Variants in DARS1 observed in about 807,000 individuals in gnomAD.
DARS1 encodes aspartate--tRNA ligase, cytoplasmic.
A neutral mutation model predicts 68.8 loss-of-function variants in DARS1; 51 were observed. The observed-to-expected ratio is 0.74, with a 90% CI of 0.59 to 0.94. The LOEUF (loss-of-function observed/expected upper bound fraction) is 0.94. DARS1 is among the 40% of genes least tolerant of loss of function. DARS1 has a pLI of 0.00. For missense variants in DARS1, 607 were observed against 597.3 expected (o/e 1.02, Z -0.17); for synonymous variants, 203 against 190.4 (o/e 1.07, Z -0.55).
At chr2:135,910,651 A>G (rs1223168753) in intron 15 of DARS1, among the ~76,000 whole-genome samples, 2 of 152,196 alleles carry the variant, frequency 1.3e-5, no homozygotes, top group African/African-American at 2.4e-5. Flanking sequence ...AAACCCCAAA[A>G]CAAACAACAA....
rs775648808 is a variant in DARS1, at chr2:135,985,557, C to G, written c.-89G>C. 3 of 1,599,196 alleles carry G rather than the reference C, an allele frequency of 1.9e-6. No homozygotes were observed. Among genetic ancestry groups the G allele is most frequent in the Admixed American group, 3.5e-5 (2 of 56,978 alleles). ...GGGGCTTCTCCCTCCCTCCCAGTCT[C>G]CGCCCTCCCGACCCTGGGGTCTCAG... On this transcript the variant is annotated 5_prime_UTR_variant, in exon 1 of 16. Transcript: ENST00000264161.
intron 11 of DARS1, among the ~76,000 whole-genome samples, chr2:135,915,844 A>G (rs1487783145): frequency 1.3e-5 from 2 of 152,120 alleles, no homozygotes; most frequent in East Asian, 3.9e-4. Context: ...TCACAGGCAA[A>G]ACTCTCTATA....
At chr2:135,958,082 G>A (rs1045666860) in intron 4 of DARS1, among the ~76,000 whole-genome samples, 1 of 152,154 alleles carries the variant, frequency 6.6e-6, no homozygotes, top group Non-Finnish European at 1.5e-5. Flanking sequence ...CTTTGAGGTA[G>A]AGTCAGGATA....
In DARS1 at chr2:135,907,060, GT is replaced by G. The variant is rs1049671294; in HGVS notation, c.*255del. The G allele has an allele frequency of 2.2e-4, 55 of 246,254 alleles. No homozygotes were observed. Among genetic ancestry groups the G allele is most frequent in the African/African-American group, 1.2e-3 (52 of 44,052 alleles). 15.3% of individuals were successfully genotyped at this position (246,254 alleles called of 1,614,324 possible). A position where few individuals can be genotyped will look rare whatever the true frequency, so the allele number is the denominator to read the frequency against. On this transcript the variant is annotated 3_prime_UTR_variant, in exon 16 of 16. Coordinates refer to ENST00000264161, the MANE Select transcript of DARS1 (RefSeq NM_001349.4). The stretch of plus-strand genomic sequence containing the variant: ...TAACATAACCATATGAATTTCTCAA[GT>G]TATTTCCTACTGATGCATGTCTGAA...
At chr2:135,959,948 T>A (rs1293157792) in intron 4 of DARS1, among the ~76,000 whole-genome samples, 1 of 152,224 alleles carries the variant, frequency 6.6e-6, no homozygotes, top group Admixed American at 6.5e-5. Flanking sequence ...TTCAGTATAT[T>A]TAATAGAATT....
chr2:135,930,336 A>G (rs1162827046), intron 7 of DARS1, among the ~76,000 whole-genome samples: 1 of 152,196 alleles, frequency 6.6e-6, no homozygotes, highest in Non-Finnish European at 1.5e-5. Flanking sequence ...GTATTAGCAA[A>G]CAAAGAGAAC....
At chr2:135,914,799 C>A in intron 11 of DARS1, 1 of 266,966 alleles carries the variant, frequency 3.7e-6, no homozygotes, top group Non-Finnish European at 7.2e-6. Flanking sequence ...GAAGTAATTT[C>A]CTACAATTAC....
chr2:135,936,464 C>G (rs1681475492), intron 5 of DARS1, among the ~76,000 whole-genome samples: 1 of 151,940 alleles, frequency 6.6e-6, no homozygotes, highest in South Asian at 2.1e-4. Context: ...GGTGTGATCA[C>G]AGCTCACTGT....
At chr2:135,959,255 G>C (rs921593391) in intron 4 of DARS1, among the ~76,000 whole-genome samples, 9 of 151,670 alleles carry the variant, frequency 5.9e-5, no homozygotes, top group African/African-American at 1.5e-4. Flanking sequence ...GCTGGGCATG[G>C]TGGTGGCATA....
chr2:135,936,151 C>T (rs1681468385), intron 5 of DARS1, among the ~76,000 whole-genome samples: 1 of 152,150 alleles, frequency 6.6e-6, no homozygotes, highest in South Asian at 2.1e-4. Context: ...TAACTGCTGG[C>T]TGAATAAATA....
Position 135,924,395 on chromosome 2 carries a change from AT to A in DARS1, c.667del (p.Ile223LeufsTer61). On this transcript the variant is annotated frameshift_variant, in exon 8 of 16. Transcript: ENST00000264161. LOFTEE classifies it high-confidence loss of function. ...KGFVEIQTPKIISAASEGGAN... is the reference protein window; with the variant it reads ...KGFVEIQTPKXISAASEGGAN... ...AATATTTTGAAGCATACCTGAAATA[AT>A]TTTAGGAGTTTGGATTTCCACAAAA... is the stretch of plus-strand genomic sequence containing the variant. 6.3e-7 allele frequency: 1 copy of A among 1,597,294 alleles called. No homozygotes were observed. The highest frequency in any genetic ancestry group is 8.5e-7 in the Non-Finnish European group (1 of 1,175,462).
intron 7 of DARS1, 74 bp downstream of exon 7, chr2:135,932,709 T>C: frequency 1.3e-6 from 1 of 795,872 alleles, no homozygotes; most frequent in Non-Finnish European, 2.2e-6. Context: ...TTTATAAGCC[T>C]GAGACAGGTA....
At chr2:135,923,057 T>C in intron 8 of DARS1, 139 bp from the exon 9 acceptor site, 1 of 953,226 alleles carries the variant, frequency 1.0e-6, no homozygotes, top group Non-Finnish European at 1.4e-6. Context: ...TAAATCACAG[T>C]CTATATACAT....
intron 12 of DARS1, 122 bp from the exon 13 acceptor site, chr2:135,912,688 C>T (rs931256079): frequency 2.3e-6 from 1 of 442,180 alleles, no homozygotes; most frequent in Non-Finnish European, 4.1e-6. Flanking sequence ...ATTGTATATA[C>T]AATGAATATC....
intron 8 of DARS1, among the ~76,000 whole-genome samples, chr2:135,923,580 G>A (rs1396379894): frequency 6.6e-6 from 1 of 152,074 alleles, no homozygotes; most frequent in Non-Finnish European, 1.5e-5. Context: ...GAGCCACTGC[G>A]CCCAGCCTGG....
intron 5 of DARS1, among the ~76,000 whole-genome samples, chr2:135,937,489 AAT>A (rs1156741629): frequency 2.0e-5 from 3 of 152,218 alleles, no homozygotes; most frequent in African/African-American, 7.2e-5. Flanking sequence ...TGTTGTAAAA[AAT>A]ATCAGAAAAG....
At chr2:135,916,138 A>T (rs1029174800) in intron 11 of DARS1, 88 bp downstream of exon 11, 1 of 639,892 alleles carries the variant, frequency 1.6e-6, no homozygotes, top group Non-Finnish European at 2.8e-6. Flanking sequence ...GCAAACCACC[A>T]TGGCACATGT....
chr2:135,978,142 C>CAAAAAAAAAAAAAAAAAAAAAAAAAAAA (rs59505882), intron 3 of DARS1, among the ~76,000 whole-genome samples: 1 of 54,736 alleles, frequency 1.8e-5, no homozygotes, highest in South Asian at 6.5e-4. Context: ...GACTCTGTCT[C>CAAAAAAAAAAAAAAAAAAAAAAAAAAAA]AAAAAAAAAA....
At chr2:135,946,110 T>C (rs1277537000) in intron 4 of DARS1, among the ~76,000 whole-genome samples, 1 of 152,176 alleles carries the variant, frequency 6.6e-6, no homozygotes. Context: ...GGGTTTTATG[T>C]GTGTATATAT....
Sources: allele counts gnomAD v4.1 joint callset (sites outside exome capture counted in the v4.1 genomes callset), GRCh38; gene constraint gnomAD v4.1.1; transcripts MANE v1.5; gene names NCBI Gene and HGNC (gene_info 2026-07-23, HGNC 2026-07-21).